Variants in ALG13 observed in about 807,000 individuals in gnomAD.
The protein encoded by ALG13 is UDP-N-acetylglucosamine transferase subunit ALG13.
ALG13 carries 11 observed loss-of-function variants against 87.8 expected under a neutral mutation model. The observed-to-expected ratio is 0.13, with a 90% confidence interval of 0.08 to 0.21. ALG13 has a LOEUF of 0.21. Among genes scored for constraint, ALG13 ranks in the 10% least tolerant of loss-of-function variants. The pLI, the probability that ALG13 is intolerant of heterozygous loss-of-function variation, is 1.00. For missense variants in ALG13, 756 were observed against 866.1 expected, an observed-to-expected ratio of 0.87 and a Z score of 1.60; for synonymous variants, 320 against 306.3, an observed-to-expected ratio of 1.04 and a Z score of -0.47.
chrX:111,720,641 G>A (rs1941286781), intron 11 of ALG13, among the ~76,000 whole-genome samples: 1 of 111,438 alleles, frequency 9.0e-6, no homozygotes, highest in Admixed American at 9.5e-5. Context: ...TACTATTATA[G>A]CAATCTCTGT....
chrX:111,728,042 A>G (rs1942257452), intron 18 of ALG13, 143 bp from the exon 19 acceptor site: 1 of 818,404 alleles, frequency 1.2e-6, no homozygotes, highest in African/African-American at 2.1e-5. Flanking sequence ...AACTGCATGG[A>G]AAACATTTAA....
intron 21 of ALG13, among the ~76,000 whole-genome samples, 189 bp downstream of exon 21, chrX:111,730,769 CAT>C (rs1335732984): frequency 8.9e-6 from 1 of 112,252 alleles, no homozygotes; most frequent in African/African-American, 3.2e-5. Context: ...GATATTCTAA[CAT>C]AGGCAGTAAT....
intron 23 of ALG13, among the ~76,000 whole-genome samples, chrX:111,740,809 C>T (rs1238207547): frequency 9.0e-6 from 1 of 111,674 alleles, no homozygotes; most frequent in Non-Finnish European, 1.9e-5. Context: ...TTAAAAATTG[C>T]TTACTTTAAG....
chrX:111,752,564 C>T (rs911764769), intron 24 of ALG13, among the ~76,000 whole-genome samples: 12 of 109,785 alleles, frequency 1.1e-4, no homozygotes, highest in Non-Finnish European at 1.1e-4. Flanking sequence ...TACAGGCACC[C>T]GCCACCACGT....
intron 15 of ALG13, among the ~76,000 whole-genome samples, chrX:111,726,236 T>TG (rs1286991837): frequency 2.1e-5 from 2 of 96,830 alleles, no homozygotes; most frequent in African/African-American, 7.8e-5. Context: ...TGTTTTGTTT[T>TG]TTTTTTTTTT....
At chrX:111,684,456 G>A (rs1346896513) in intron 2 of ALG13, among the ~76,000 whole-genome samples, 2 of 110,811 alleles carry the variant, frequency 1.8e-5, no homozygotes, top group African/African-American at 6.6e-5. Context: ...CCAGTAGCTG[G>A]GACCACAACC....
chrX:111,681,712 C>T, intron 1 of ALG13: 4 of 843,301 alleles, frequency 4.7e-6, no homozygotes, highest in Non-Finnish European at 5.7e-6. Flanking sequence ...TCTGAGCCAG[C>T]CGAGCTCGCC....
At chrX:111,738,609 G>T (rs1451431265) in intron 23 of ALG13, among the ~76,000 whole-genome samples, 1 of 111,527 alleles carries the variant, frequency 9.0e-6, no homozygotes, top group Non-Finnish European at 1.9e-5. Context: ...CATGATCATG[G>T]CTCACTGCAG....
chrX:111,757,813 G>A (rs1945405513), intron 26 of ALG13, 51 bp downstream of exon 26: 3 of 1,090,801 alleles, frequency 2.8e-6, no homozygotes, highest in South Asian at 2.1e-5. Flanking sequence ...ATTTTATTGT[G>A]TGTAATTCAA....
chrX:111,750,680 T>A (rs1358593370), intron 24 of ALG13, among the ~76,000 whole-genome samples: 1 of 110,216 alleles, frequency 9.1e-6, no homozygotes, highest in Non-Finnish European at 1.9e-5. Flanking sequence ...TATTTATTTA[T>A]TTATTTTGAG....
chrX:111,734,066 G>C (rs1459006865), intron 21 of ALG13, among the ~76,000 whole-genome samples: 1 of 112,084 alleles, frequency 8.9e-6, no homozygotes, highest in Non-Finnish European at 1.9e-5. Context: ...CGAATGTATA[G>C]ATTGCTAGAT....
chrX:111,757,893 C>T (rs1945411904), intron 26 of ALG13, 131 bp downstream of exon 26: 2 of 601,406 alleles, frequency 3.3e-6, no homozygotes, highest in East Asian at 7.3e-5. Flanking sequence ...ATATGTGGAC[C>T]TCTTGTGGTC....
At chrX:111,741,467 A>G (rs755801289) in intron 23 of ALG13, among the ~76,000 whole-genome samples, 27 of 112,258 alleles carry the variant, frequency 2.4e-4, no homozygotes, top group African/African-American at 6.8e-4. Context: ...ACATTAAAAT[A>G]ACTCATTAAG....
chrX:111,712,015 G>A (rs1349503403), intron 6 of ALG13, among the ~76,000 whole-genome samples: 2 of 111,844 alleles, frequency 1.8e-5, no homozygotes, highest in Middle Eastern at 8.5e-3. Flanking sequence ...GGGGAGGAGG[G>A]TGGTAATGAA....
At chrX:111,681,775 C>T (rs978367707) in intron 1 of ALG13, 75 of 828,308 alleles carry the variant, frequency 9.1e-5, no homozygotes, top group Non-Finnish European at 1.0e-4. Flanking sequence ...CGCGGTTCCT[C>T]TCCTCAGCGC....
intron 5 of ALG13, among the ~76,000 whole-genome samples, chrX:111,710,752 A>G (rs953230553): frequency 2.7e-5 from 3 of 112,184 alleles, no homozygotes; most frequent in East Asian, 2.8e-4. Flanking sequence ...GCTGGAGTGC[A>G]GTGGCACGAT....
chrX:111,735,450 A>G (rs1943142237), intron 22 of ALG13, among the ~76,000 whole-genome samples: 1 of 111,560 alleles, frequency 9.0e-6, no homozygotes, highest in South Asian at 3.8e-4. Context: ...TTCCTGTAGA[A>G]TGGAGAGTCA....
intron 24 of ALG13, 120 bp downstream of exon 24, chrX:111,745,024 A>G: frequency 1.7e-6 from 1 of 590,410 alleles, no homozygotes; most frequent in Non-Finnish European, 2.8e-6. Flanking sequence ...ACTTGAGAAC[A>G]CAATACTGGA....
intron 17 of ALG13, 56 bp from the exon 18 acceptor site, chrX:111,727,558 G>A (rs1262186454): frequency 9.8e-6 from 11 of 1,118,988 alleles, no homozygotes; most frequent in Admixed American, 2.7e-5. Context: ...TTAGAAATTA[G>A]GAACAAGTTA....
Sources: gnomAD v4.1 joint callset for allele counts (sites outside exome capture counted in the v4.1 genomes callset) on GRCh38, gnomAD v4.1.1 for gene constraint, MANE v1.5 for transcripts, NCBI Gene and HGNC (gene_info 2026-07-23, HGNC 2026-07-21) for gene names.